MCCC2: variants seen among roughly 807,000 people sequenced by gnomAD.
MCCC2 encodes the protein methylcrotonyl-CoA carboxylase subunit 2.
In MCCC2, 52 loss-of-function variants were observed where a neutral mutation model predicts 77.2. The observed-to-expected ratio is 0.67, with a 90% CI of 0.54 to 0.85. The LOEUF is 0.85. Ranked by LOEUF, MCCC2 falls within the 40% of genes least tolerant of loss-of-function variation. The probability of loss-of-function intolerance (pLI) is 0.00; values close to 1 mark genes in which losing one functional copy is unlikely to be tolerated. For synonymous variants in MCCC2, 253 were observed against 248.4 expected (o/e 1.02, Z -0.18); for missense variants, 682 against 703.2 (o/e 0.97, Z 0.34).
At chr5:71,621,432 A>G (rs1746345171) in intron 6 of MCCC2, among the ~76,000 whole-genome samples, 1 of 152,218 alleles carries the variant, frequency 6.6e-6, no homozygotes, top group Admixed American at 6.5e-5. Context: ...ACTCAGAACT[A>G]AATGACAAGG....
chr5:71,587,651 G>GATT (rs1744817372), intron 1 of MCCC2, 97 bp downstream of exon 1: 2 of 1,452,594 alleles, frequency 1.4e-6, no homozygotes, highest in Admixed American at 2.1e-5. Flanking sequence ...CTTGTCCGGA[G>GATT]CCCCAGTTGA....
At chr5:71,644,217 ATT>A (rs1747218080) in intron 12 of MCCC2, among the ~76,000 whole-genome samples, 1 of 152,180 alleles carries the variant, frequency 6.6e-6, no homozygotes, top group Non-Finnish European at 1.5e-5. Context: ...TTGAGTTATA[ATT>A]GCTATAGAGG....
At chr5:71,609,158 A>G (rs1267008919) in intron 6 of MCCC2, among the ~76,000 whole-genome samples, 1 of 151,924 alleles carries the variant, frequency 6.6e-6, no homozygotes, top group Non-Finnish European at 1.5e-5. Flanking sequence ...TATCCTGCAG[A>G]GTGTTTTCCA....
At chr5:71,642,693 CT>C (rs1747160210) in intron 11 of MCCC2, among the ~76,000 whole-genome samples, 2 of 152,302 alleles carry the variant, frequency 1.3e-5, no homozygotes, top group South Asian at 4.1e-4. Context: ...GATTTCTGGA[CT>C]TTTTGGAAGT....
chr5:71,587,769 C>T (rs919479091), intron 1 of MCCC2, among the ~76,000 whole-genome samples: 1 of 152,204 alleles, frequency 6.6e-6, no homozygotes, highest in Non-Finnish European at 1.5e-5. Flanking sequence ...ATCAGTGGTT[C>T]TTAAAGCCTG....
At chr5:71,588,991 C>T (rs1580264184) in intron 1 of MCCC2, among the ~76,000 whole-genome samples, 1 of 152,208 alleles carries the variant, frequency 6.6e-6, no homozygotes, top group Non-Finnish European at 1.5e-5. Context: ...ATGGTAGAAT[C>T]ATCAGTGTGG....
intron 12 of MCCC2, 123 bp downstream of exon 12, chr5:71,644,018 A>T: frequency 4.8e-6 from 5 of 1,049,262 alleles, no homozygotes; most frequent in African/African-American, 1.6e-5. Flanking sequence ...CAACCAGAAC[A>T]CTGTGTGCGC....
intron 6 of MCCC2, among the ~76,000 whole-genome samples, chr5:71,618,809 C>G (rs1746268374): frequency 1.3e-5 from 2 of 152,206 alleles, no homozygotes; most frequent in Admixed American, 1.3e-4. Context: ...GAATCCTCCT[C>G]AGAAGTGGGA....
intron 8 of MCCC2, among the ~76,000 whole-genome samples, chr5:71,633,834 C>T (rs979065454): frequency 6.6e-6 from 1 of 152,082 alleles, no homozygotes; most frequent in Non-Finnish European, 1.5e-5. Context: ...GCATTTATAA[C>T]TGGTATTATG....
rs375829284 is a variant in MCCC2 at position 71,641,791 on chromosome 5, GA to G, written c.1072+723del. Among the ~76,000 whole-genome samples the G allele has an allele frequency of 1.6e-3, 239 of 152,204 alleles. 2 individuals are homozygous for G. Among genetic ancestry groups the G allele is most frequent in the African/African-American group, 5.6e-3 (231 of 41,538 alleles). On this transcript the variant is annotated intron_variant, in intron 11 of 16. Coordinates refer to ENST00000340941, the MANE Select transcript of MCCC2 (RefSeq NM_022132.5). ...TTAGTCAAAGGTAATACCAGAGTAG[GA>G]AAAAAACTAGCTGCAGAAATCCAAA... is the stretch of plus-strand genomic sequence containing the variant.
At chr5:71,642,277 A>T (rs1484590840) in intron 11 of MCCC2, among the ~76,000 whole-genome samples, 1 of 151,998 alleles carries the variant, frequency 6.6e-6, no homozygotes, top group Non-Finnish European at 1.5e-5. Context: ...GATAAGAAGG[A>T]TGGGAGGAAT....
intron 6 of MCCC2, among the ~76,000 whole-genome samples, chr5:71,609,492 A>G (rs1745828059): frequency 6.7e-6 from 1 of 148,898 alleles, no homozygotes; most frequent in African/African-American, 2.5e-5. Flanking sequence ...AAAGTTTTCA[A>G]CTTCTTTGCC....
At chr5:71,626,811 C>A in intron 7 of MCCC2, 58 bp downstream of exon 7, 3 of 1,398,226 alleles carry the variant, frequency 2.1e-6, no homozygotes, top group Non-Finnish European at 2.0e-6. Context: ...TAAAATACAC[C>A]ATTTAAACTA....
intron 14 of MCCC2, among the ~76,000 whole-genome samples, chr5:71,649,734 C>G (rs1211436065): frequency 6.6e-6 from 1 of 152,180 alleles, no homozygotes; most frequent in Non-Finnish European, 1.5e-5. Flanking sequence ...ACTTGATAAT[C>G]TTATGCTTAA....
In MCCC2 at chr5:71,604,063, C is replaced by G. The variant is rs1302208801; in HGVS notation, c.512-293C>G. 8.9e-4 allele frequency among the ~76,000 whole-genome samples: 135 copies of G among 152,152 alleles called. 1 individual carries two copies. The highest frequency in any genetic ancestry group is 2.1e-4 in the Non-Finnish European group (14 of 68,032). On this transcript the variant is annotated intron_variant, in intron 5 of 16. Coordinates refer to ENST00000340941, the MANE Select transcript of MCCC2 (RefSeq NM_022132.5). ...GGAAAGATACTTTTCCACCTTAACT[C>G]TTTAAGAATTTATGATGTTTCTGGG...
At chr5:71,623,948 A>G (rs939569119) in intron 6 of MCCC2, among the ~76,000 whole-genome samples, 3 of 152,230 alleles carry the variant, frequency 2.0e-5, no homozygotes, top group African/African-American at 7.2e-5. Flanking sequence ...CCCCTACTCA[A>G]ATGGTGTCTT....
chr5:71,611,958 T>G (rs562888776), intron 6 of MCCC2, among the ~76,000 whole-genome samples: 2 of 152,046 alleles, frequency 1.3e-5, no homozygotes, highest in Admixed American at 1.3e-4. Context: ...CCGGCTAATT[T>G]TTTGTATTTT....
chr5:71,655,939 G>A (rs1489727204), intron 16 of MCCC2, among the ~76,000 whole-genome samples: 1 of 152,208 alleles, frequency 6.6e-6, no homozygotes, highest in Non-Finnish European at 1.5e-5. Flanking sequence ...AGCTGGCCGG[G>A]TGTGGTGGCT....
intron 13 of MCCC2, among the ~76,000 whole-genome samples, chr5:71,647,575 T>C (rs1747304079): frequency 6.6e-6 from 1 of 152,152 alleles, no homozygotes; most frequent in Non-Finnish European, 1.5e-5. Flanking sequence ...TTGAGTTTAG[T>C]TTTTCAGCAT....
Sources: allele counts gnomAD v4.1 joint callset (sites outside exome capture counted in the v4.1 genomes callset), GRCh38; gene constraint gnomAD v4.1.1; transcripts MANE v1.5; gene names NCBI Gene and HGNC (gene_info 2026-07-23, HGNC 2026-07-21).